Variants in SLC22A24 observed in about 807,000 individuals in gnomAD.
The protein encoded by SLC22A24 is steroid transmembrane transporter SLC22A24.
Under a neutral mutation model 49.8 loss-of-function variants are expected in SLC22A24, and 53 were observed. The ratio of observed to expected loss-of-function variants is 1.06; its 90% CI spans 0.85 to 1.34. The LOEUF (loss-of-function observed/expected upper bound fraction) is 1.34, where lower values mean the gene tolerates loss of function less well. SLC22A24 is among the 40% of genes most tolerant of loss of function. The pLI is 0.00. For missense variants in SLC22A24, 786 were observed against 675.9 expected, an observed-to-expected ratio of 1.16 and a Z score of -1.81; for synonymous variants, 302 against 256.4, an observed-to-expected ratio of 1.18 and a Z score of -1.70.
chr11:63,094,453 G>A (rs571438837), intron 6 of SLC22A24, among the ~76,000 whole-genome samples: 4 of 152,040 alleles, frequency 2.6e-5, no homozygotes, highest in African/African-American at 9.7e-5. Flanking sequence ...ATGTGCATGT[G>A]TCATTATAGC....
intron 5 of SLC22A24, among the ~76,000 whole-genome samples, chr11:63,098,145 A>C (rs2087067234): frequency 6.6e-6 from 1 of 152,176 alleles, no homozygotes; most frequent in South Asian, 2.1e-4. Flanking sequence ...CAGTGGAATA[A>C]AACTAGAATT....
At chr11:63,084,630 A>C (rs1379170776) in intron 6 of SLC22A24, among the ~76,000 whole-genome samples, 1 of 152,172 alleles carries the variant, frequency 6.6e-6, no homozygotes, top group Non-Finnish European at 1.5e-5. Context: ...TGATTTGATC[A>C]TCCACCATGC....
At position 63,113,421 on chromosome 11, in the gene SLC22A24, C is replaced by T. The variant is rs981441543; in HGVS notation, c.830+5491G>A. Among the ~76,000 whole-genome samples, 149 of 151,722 alleles carry T rather than the reference C, an allele frequency of 9.8e-4. 1 individual carries two copies. Among genetic ancestry groups the T allele is most frequent in the Non-Finnish European group, 1.5e-3 (100 of 67,954 alleles). Reference sequence around the variant, plus strand: ...TGTTTCTTTCCATGTTTAGTGCTTCCTTCAGGAGTTCCTGTAAGGCAGGCC... The same window carrying T: ...TGTTTCTTTCCATGTTTAGTGCTTCTTTCAGGAGTTCCTGTAAGGCAGGCC... On this transcript the variant is annotated intron_variant, in intron 4 of 9. Transcript: ENST00000612278.
chr11:63,122,603 C>T (rs976171225), intron 2 of SLC22A24, among the ~76,000 whole-genome samples: 5 of 152,152 alleles, frequency 3.3e-5, no homozygotes, highest in Non-Finnish European at 7.3e-5. Context: ...CAACCTCCGC[C>T]TCCTGGGTTC....
chr11:63,082,663 G>A (rs1565321631), intron 7 of SLC22A24, among the ~76,000 whole-genome samples: 1 of 152,200 alleles, frequency 6.6e-6, no homozygotes, highest in East Asian at 1.9e-4. Flanking sequence ...ACTTTTTCTT[G>A]TTCCAACTGT....
At chr11:63,114,883 G>C (rs1441978865) in intron 4 of SLC22A24, among the ~76,000 whole-genome samples, 1 of 152,212 alleles carries the variant, frequency 6.6e-6, no homozygotes, top group African/African-American at 2.4e-5. Context: ...GGTATCACCA[G>C]TGGAGGTTTT....
Position 63,081,587 on chromosome 11 carries a change from G to A in SLC22A24, c.1365C>T (p.His455=). The change falls in exon 8 of 10, where the codon CAC becomes CAT. Residue 455 remains histidine (H), a synonymous_variant. Coordinates refer to ENST00000612278, the MANE Select transcript of SLC22A24 (RefSeq NM_001136506.2). ...VSAASNSASV[H]HNELVPTILR... ...ATATGGTGGGGACGAGCTCGTTGTG[G>A]TGGACAGAAGCACTGTTGCTAGCAG... 1.9e-6 allele frequency: 3 copies of A among 1,551,496 alleles called. No homozygotes were observed. Among genetic ancestry groups the A allele is most frequent in the South Asian group, 1.2e-5 (1 of 84,054 alleles).
chr11:63,113,449 T>C (rs1390345519), intron 4 of SLC22A24, among the ~76,000 whole-genome samples: 1 of 151,808 alleles, frequency 6.6e-6, no homozygotes, highest in Non-Finnish European at 1.5e-5. Flanking sequence ...GGCAGGCCCA[T>C]TGGTGGCAAA....
Position 63,143,594 on chromosome 11 carries a change from A to G in SLC22A24, c.186T>C (p.Asn62=). The change falls in exon 1 of 10, where the codon AAT becomes AAC. Residue 62 remains asparagine, a synonymous_variant. Transcript: ENST00000612278. The part of the protein sequence containing the change: ...PLLDNDTVSD[N]DTGTLSKDDL... ...CATCCTTGCTGAGGGTCCCGGTATCATTGTCAGACACAGTGTCATTGTCCA... is the reference window on the plus strand; with the variant it reads ...CATCCTTGCTGAGGGTCCCGGTATCGTTGTCAGACACAGTGTCATTGTCCA... 1.9e-6 allele frequency: 3 copies of G among 1,572,190 alleles called. No individual in the cohort carries two copies. The highest frequency in any genetic ancestry group is 2.6e-6 in the Non-Finnish European group (3 of 1,160,366).
At chr11:63,082,666 C>T (rs2086966585) in intron 7 of SLC22A24, among the ~76,000 whole-genome samples, 1 of 152,158 alleles carries the variant, frequency 6.6e-6, no homozygotes, top group South Asian at 2.1e-4. Context: ...TTTTCTTGTT[C>T]CAACTGTACA....
intron 2 of SLC22A24, among the ~76,000 whole-genome samples, chr11:63,123,721 A>C (rs2087268241): frequency 6.6e-6 from 1 of 152,290 alleles, no homozygotes; most frequent in Non-Finnish European, 1.5e-5. Context: ...TCTTCCTAGC[A>C]GTCCCCCAAT....
intron 4 of SLC22A24, among the ~76,000 whole-genome samples, chr11:63,108,949 A>T (rs1438915613): frequency 1.5e-5 from 2 of 135,574 alleles, no homozygotes; most frequent in African/African-American, 2.7e-5. Context: ...GCACCCACTA[A>T]CTCGTCATCT....
chr11:63,081,539 TG>T lies in SLC22A24; in HGVS notation c.1394+18del, dbSNP rs1414054604. 5.3e-6 allele frequency: 8 copies of T among 1,506,448 alleles called. No individual in the cohort carries two copies. The East Asian group carries it at 9.8e-5, about 19-fold the overall frequency. The allele number at this position is 1,506,448 out of a possible 1,614,324, so 93.3% of individuals were successfully genotyped here. On this transcript the variant is annotated intron_variant, in intron 8 of 9. Transcript: ENST00000612278. ...CAGAAATTTGTGTTTTGAAACCAGA[TG>T]GTCTTTAGCTCTTGTACCTCAATAT...
In SLC22A24 at chr11:63,134,629, G is replaced by A. The variant is rs913676487; in HGVS notation, c.506+36C>T. On this transcript the variant is annotated intron_variant, in intron 2 of 9. Transcript: ENST00000612278. The stretch of plus-strand genomic sequence containing the variant: ...AAATAAAGGAATGAATATATCATCT[G>A]ATAAACAGCCCCAAAGAAAGTGAGA... The A allele has an allele frequency of 9.9e-6, 12 of 1,212,116 alleles. No individual in the cohort carries two copies. In the African/African-American group the frequency reaches 1.5e-4, roughly 15 times the overall value. The allele number at this position is 1,212,116 out of a possible 1,614,324, so 75.1% of individuals were successfully genotyped here. A position where few individuals can be genotyped will look rare whatever the true frequency, so the allele number is the denominator to read the frequency against.
intron 6 of SLC22A24, among the ~76,000 whole-genome samples, chr11:63,089,238 C>A (rs932918640): frequency 6.6e-6 from 1 of 152,220 alleles, no homozygotes; most frequent in Admixed American, 6.5e-5. Context: ...AGAAACCCTA[C>A]AAGCCAGAAG....
At chr11:63,121,614 A>T (rs998997635) in intron 2 of SLC22A24, among the ~76,000 whole-genome samples, 1 of 152,064 alleles carries the variant, frequency 6.6e-6, no homozygotes, top group Non-Finnish European at 1.5e-5. Flanking sequence ...TGCTTTAAAA[A>T]ATTTTTTATT....
At chr11:63,125,439 A>G (rs1037987503) in intron 2 of SLC22A24, among the ~76,000 whole-genome samples, 4 of 152,142 alleles carry the variant, frequency 2.6e-5, no homozygotes, top group Admixed American at 1.3e-4. Flanking sequence ...TAGTTTGCTG[A>G]GAATGATGGT....
intron 6 of SLC22A24, among the ~76,000 whole-genome samples, chr11:63,094,238 A>T (rs2212461): frequency 6.7e-6 from 1 of 148,564 alleles, no homozygotes. Context: ...GAGAACATGC[A>T]GTGTTTGGTT....
chr11:63,099,980 A>T (rs932306478), intron 5 of SLC22A24, among the ~76,000 whole-genome samples: 1 of 152,214 alleles, frequency 6.6e-6, no homozygotes, highest in African/African-American at 2.4e-5. Flanking sequence ...TAGTAAATGG[A>T]TAAAAACTAA....
Sources: gnomAD v4.1 joint callset for allele counts (sites outside exome capture counted in the v4.1 genomes callset) on GRCh38, gnomAD v4.1.1 for gene constraint, MANE v1.5 for transcripts, NCBI Gene and HGNC (gene_info 2026-07-23, HGNC 2026-07-21) for gene names.